The following YAE1 variants were observed in gnomAD, a reference collection of about 807,000 sequenced individuals.
The protein encoded by YAE1 is protein YAE1 homolog.
A neutral mutation model predicts 23.0 loss-of-function variants in YAE1; 22 were observed. The ratio of observed to expected loss-of-function variants is 0.96; its 90% CI spans 0.68 to 1.37. The LOEUF is 1.37. YAE1 is among the 40% of genes most tolerant of loss of function. The pLI, the probability that YAE1 is intolerant of heterozygous loss-of-function variation, is 0.00. For missense variants in YAE1, 260 were observed against 262.1 expected, an observed-to-expected ratio of 0.99 and a Z score of 0.06; for synonymous variants, 101 against 97.0, an observed-to-expected ratio of 1.04 and a Z score of -0.24.
intron 1 of YAE1, among the ~76,000 whole-genome samples, chr7:39,567,324 C>T (rs6948276): frequency 0.049 from 7,403 of 152,196 alleles, 583 homozygotes; most frequent in African/African-American, 0.17. Flanking sequence ...GAGACTGGGG[C>T]CACACTAATA....
chr7:39,590,124 TCATTACTGAA>T (rs1354266505), intron 2 of YAE1, among the ~76,000 whole-genome samples: 33 of 152,304 alleles, frequency 2.2e-4, no homozygotes, highest in South Asian at 2.1e-4. Flanking sequence ...TATACATAAG[TCATTACTGAA>T]TGCATGCTAT....
intron 2 of YAE1, among the ~76,000 whole-genome samples, chr7:39,606,742 C>T (rs544159995): frequency 4.6e-5 from 7 of 152,200 alleles, no homozygotes; most frequent in African/African-American, 1.7e-4. Flanking sequence ...TAGCATTATG[C>T]AGTACTTATG....
At position 39,578,664 on chromosome 7, in the gene YAE1, G is replaced by A. The variant is rs187622896; in HGVS notation, c.251+8037G>A. On this transcript the variant is annotated intron_variant, in intron 2 of 2. Coordinates refer to the YAE1 transcript ENST00000432096. ...CTGAAGCCAGTGAGACCATGAACCCGCCAGAAGAAAGAAACTCCGAACACG... is the reference window on the plus strand; with the variant it reads ...CTGAAGCCAGTGAGACCATGAACCCACCAGAAGAAAGAAACTCCGAACACG... Among the ~76,000 whole-genome samples, 10 of 152,116 alleles carry A rather than the reference G, an allele frequency of 6.6e-5. No individual in the cohort carries two copies. In the East Asian group the frequency reaches 1.7e-3, roughly 26 times the overall value.
At chr7:39,584,752 C>T (rs1197255790) in intron 2 of YAE1, among the ~76,000 whole-genome samples, 1 of 152,156 alleles carries the variant, frequency 6.6e-6, no homozygotes, top group Non-Finnish European at 1.5e-5. Flanking sequence ...GGCATGGTGA[C>T]TCTGGCCAGT....
intron 2 of YAE1, among the ~76,000 whole-genome samples, chr7:39,586,859 G>A (rs1420316376): frequency 2.6e-5 from 4 of 152,172 alleles, no homozygotes; most frequent in South Asian, 4.1e-4. Context: ...CTTTGCTTAC[G>A]TTGTCTTGGA....
Position 39,609,912 on chromosome 7 carries a change from C to T in YAE1, c.547C>T (p.Pro183Ser). 3 of 1,530,220 alleles carry T rather than the reference C, an allele frequency of 2.0e-6. No individual in the cohort carries two copies. The South Asian group carries it at 3.6e-5, about 18-fold the overall frequency. 94.8% of individuals were successfully genotyped at this position (1,530,220 alleles called of 1,614,324 possible). A position where few individuals can be genotyped will look rare whatever the true frequency, so the allele number is the denominator to read the frequency against. The change falls in exon 3 of 3, where the codon CCA (proline) becomes TCA (serine). Residue 183 changes from proline (P) to serine (S), a missense_variant. Coordinates refer to the YAE1 transcript ENST00000432096. ...TGCAGCAGCCTGCCCCGCCTGGCCGCCAGAGGCACCTTCCAACTCCGAAAC... is the reference window on the plus strand; with the variant it reads ...TGCAGCAGCCTGCCCCGCCTGGCCGTCAGAGGCACCTTCCAACTCCGAAAC...
intron 2 of YAE1, among the ~76,000 whole-genome samples, chr7:39,601,524 C>T (rs1469494587): frequency 6.6e-6 from 1 of 152,044 alleles, no homozygotes; most frequent in Non-Finnish European, 1.5e-5. Flanking sequence ...CTTTGGGAGG[C>T]CGAGATGGGT....
intron 2 of YAE1, among the ~76,000 whole-genome samples, chr7:39,571,405 AC>A (rs372250478): frequency 1.1e-4 from 16 of 150,438 alleles, no homozygotes; most frequent in African/African-American, 3.9e-4. Flanking sequence ...TACCCTTTAC[AC>A]TGTCCTTGGT....
At chr7:39,598,691 C>T (rs187401990) in intron 2 of YAE1, among the ~76,000 whole-genome samples, 12 of 150,918 alleles carry the variant, frequency 8.0e-5, no homozygotes, top group East Asian at 7.9e-4. Flanking sequence ...GCAGGAGGAT[C>T]GCTTGAACCC....
At chr7:39,609,571 G>A in intron 2 of YAE1, 1 of 1,515,170 alleles carries the variant, frequency 6.6e-7, no homozygotes, top group Non-Finnish European at 8.8e-7. Flanking sequence ...TGGGGACAGT[G>A]ATAACAGAGC....
intron 2 of YAE1, among the ~76,000 whole-genome samples, chr7:39,590,545 A>G (rs1001422936): frequency 6.6e-6 from 1 of 152,180 alleles, no homozygotes; most frequent in Non-Finnish European, 1.5e-5. Flanking sequence ...TAATTTAGGG[A>G]TATTTGCATA....
rs1790539915 is a variant in YAE1 at position 39,570,034 on chromosome 7, C to T, written c.130-472C>T. The T allele has an allele frequency of 6.6e-6, 9 of 1,366,920 alleles. 1 individual carries two copies. Among genetic ancestry groups the T allele is most frequent in the Non-Finnish European group, 8.3e-6 (8 of 962,414 alleles). 84.7% of individuals were successfully genotyped at this position (1,366,920 alleles called of 1,614,324 possible). A position where few individuals can be genotyped will look rare whatever the true frequency, so the allele number is the denominator to read the frequency against. On this transcript the variant is annotated intron_variant, in intron 1 of 2. Coordinates refer to ENST00000223273, the MANE Select transcript of YAE1 (RefSeq NM_020192.5). ...GTTAATGGTTTTGACAAGCAGGGCA[C>T]CACGGGGCATAAAATTGTATCATCC...
At chr7:39,610,124 A>T in exon 3 of YAE1, 1 of 949,212 alleles carries the variant, frequency 1.1e-6, no homozygotes, top group Non-Finnish European at 1.5e-6. Flanking sequence ...CTAGAACAAT[A>T]TGTACACGTC....
At chr7:39,569,290 C>T in intron 1 of YAE1, 1 of 269,868 alleles carries the variant, frequency 3.7e-6, no homozygotes, top group African/African-American at 2.3e-5. Flanking sequence ...CTGTAATATA[C>T]AAGCAAGTCA....
intron 2 of YAE1, among the ~76,000 whole-genome samples, chr7:39,583,477 C>G (rs909844230): frequency 1.3e-5 from 2 of 152,222 alleles, no homozygotes; most frequent in African/African-American, 4.8e-5. Flanking sequence ...ATAAGATACT[C>G]AGGCAGGACC....
downstream of YAE1, among the ~76,000 whole-genome samples, chr7:39,611,089 A>G (rs1367427422): frequency 3.3e-5 from 5 of 152,052 alleles, no homozygotes; most frequent in African/African-American, 9.7e-5. Flanking sequence ...CAGAGGTTGC[A>G]GTGAGCCCAG....
chr7:39,596,191 C>T (rs922624394), intron 2 of YAE1, among the ~76,000 whole-genome samples: 1 of 148,374 alleles, frequency 6.7e-6, no homozygotes, highest in Non-Finnish European at 1.5e-5. Context: ...CTGTAAGTCA[C>T]TTATTTTTTT....
At chr7:39,593,249 A>G (rs550830269) in intron 2 of YAE1, among the ~76,000 whole-genome samples, 7 of 127,778 alleles carry the variant, frequency 5.5e-5, no homozygotes, top group Admixed American at 1.0e-4. Flanking sequence ...CAGTGGCACA[A>G]TCTTGGCTCA....
chr7:39,586,331 C>T (rs1175870802), intron 2 of YAE1, among the ~76,000 whole-genome samples: 1 of 150,838 alleles, frequency 6.6e-6, no homozygotes, highest in East Asian at 2.0e-4. Flanking sequence ...TGCCACCATG[C>T]CCGGCTAATT....
Sources: gnomAD v4.1 joint callset for allele counts (sites outside exome capture counted in the v4.1 genomes callset) on GRCh38, gnomAD v4.1.1 for gene constraint, MANE v1.5 for transcripts, NCBI Gene and HGNC (gene_info 2026-07-23, HGNC 2026-07-21) for gene names.